Variants in ANKRD31 observed in about 807,000 individuals in gnomAD.
ANKRD31 encodes ankyrin repeat domain 31, also known as ankyrin repeat domain-containing protein 31.
ANKRD31 carries 147 observed loss-of-function variants against 186.0 expected under a neutral mutation model. That is an observed-to-expected ratio of 0.79 (90% CI 0.69 to 0.91). ANKRD31 has a LOEUF of 0.91. Ranked by LOEUF, ANKRD31 falls within the 40% of genes least tolerant of loss-of-function variation. ANKRD31 has a pLI of 0.00. For synonymous variants in ANKRD31, 673 were observed against 736.4 expected (o/e 0.91, Z 1.39); for missense variants, 1,986 against 2,148.8 (o/e 0.92, Z 1.50).
rs191326734 is a variant in ANKRD31, at chr5:75,146,831, G to C, written c.2580C>G (p.Leu860=). The part of the protein sequence containing the change: ...VVTTDKQPHT[L]QEQHHVLYKS... ...TATAAAGTACATGGTGTTGTTCCTG[G>C]AGAGTGTGAGGCTGCTTATCTGTAG... The change falls in exon 14 of 26, where the codon CTC becomes CTG. Residue 860 remains leucine, a synonymous_variant. Coordinates refer to ENST00000506364, the MANE Select transcript of ANKRD31 (RefSeq NM_001372053.1). 22 of 1,536,290 alleles carry C rather than the reference G, an allele frequency of 1.4e-5. No individual in the cohort carries two copies. In the African/African-American group the frequency reaches 2.5e-4, roughly 17 times the overall value.
rs773002008 is a variant in ANKRD31, at chr5:75,188,619, G to A, written c.1438C>T (p.His480Tyr). The A allele has an allele frequency of 3.9e-6, 6 of 1,533,654 alleles. No homozygotes were observed. In the South Asian group the frequency reaches 7.2e-5, roughly 18 times the overall value. The change falls in exon 10 of 26, where the codon CAT becomes TAT. Residue 480 changes from histidine to tyrosine, a missense_variant. Physicochemically the swap from His to Tyr is moderately conservative, Grantham distance 83. Coordinates refer to ENST00000506364, the MANE Select transcript of ANKRD31 (RefSeq NM_001372053.1). The part of the protein sequence containing the change: ...EKMKVNKISL[H>Y]SINRRNIFGE... ...AAAATGTTTCTCCGGTTAATGCTAT[G>A]AAGAGATATTTTGTTCACCTTCATT... is the stretch of plus-strand genomic sequence containing the variant.
At chr5:75,084,398 T>C in intron 23 of ANKRD31, 24 bp from the exon 24 acceptor site, 22 of 1,439,032 alleles carry the variant, frequency 1.5e-5, no homozygotes, top group Non-Finnish European at 2.1e-5. Context: ...AGCACAAAAT[T>C]TATAAATCAT....
At chr5:75,088,288 G>A (rs1745653206) in intron 23 of ANKRD31, among the ~76,000 whole-genome samples, 2 of 152,182 alleles carry the variant, frequency 1.3e-5, no homozygotes, top group South Asian at 4.1e-4. Context: ...AAATCCAAAG[G>A]AATGGAAAGG....
At chr5:75,222,613 C>A (rs1211667702) in intron 2 of ANKRD31, among the ~76,000 whole-genome samples, 1 of 152,090 alleles carries the variant, frequency 6.6e-6, no homozygotes, top group Admixed American at 6.6e-5. Context: ...CCCCCCAACC[C>A]CCAACAGGCC....
In ANKRD31 at chr5:75,220,499, G is replaced by A. The variant is rs532370177; in HGVS notation, c.288+1750C>T. On this transcript the variant is annotated intron_variant, in intron 3 of 25. Coordinates refer to ENST00000506364, the MANE Select transcript of ANKRD31 (RefSeq NM_001372053.1). Reference sequence around the variant, plus strand: ...TACTAAAAATACAAAAAAATTAGCCGAGCATGATGGTGCATGCCTGTAATT... The same window carrying A: ...TACTAAAAATACAAAAAAATTAGCCAAGCATGATGGTGCATGCCTGTAATT... Among the ~76,000 whole-genome samples, 14 of 152,036 alleles carry A rather than the reference G, an allele frequency of 9.2e-5. No homozygotes were observed. The South Asian group carries it at 1.0e-3, about 11-fold the overall frequency.
chr5:75,199,994 ACTAT>A (rs1580542044), intron 5 of ANKRD31, among the ~76,000 whole-genome samples: 1 of 152,198 alleles, frequency 6.6e-6, no homozygotes, highest in African/African-American at 2.4e-5. Context: ...TAGGAAAAAG[ACTAT>A]CTACTTTCTC....
rs79145459 is a variant in ANKRD31 at position 75,128,568 on chromosome 5, G to C, written c.3876+9288C>G. 2.4e-3 allele frequency among the ~76,000 whole-genome samples: 357 copies of C among 151,332 alleles called. 8 individuals carry two copies. The East Asian group carries it at 0.061, about 26-fold the overall frequency. On this transcript the variant is annotated intron_variant, in intron 17 of 25. Coordinates refer to ENST00000506364, the MANE Select transcript of ANKRD31 (RefSeq NM_001372053.1). ...TGCCCAGGCTGGAGTGCAGTGGTAC[G>C]ATCTTGGCTCACTGCAAGCTCCGCC...
chr5:75,228,826 A>G lies in ANKRD31; in HGVS notation c.178+1736T>C, dbSNP rs566281304. 2.2e-4 allele frequency among the ~76,000 whole-genome samples: 33 copies of G among 152,354 alleles called. No individual in the cohort carries two copies. In the South Asian group the frequency reaches 6.8e-3, roughly 32 times the overall value. ...AGACCTCTAACTCCTTTCTAGTGGT[A>G]CTTTATATATCATAAGAAGGCATCC... is the stretch of plus-strand genomic sequence containing the variant. On this transcript the variant is annotated intron_variant, in intron 2 of 25. Transcript: ENST00000506364.
At position 75,230,641 on chromosome 5, in the gene ANKRD31, A is replaced by G; in HGVS notation, c.105-6T>C. The G allele has an allele frequency of 1.3e-6, 2 of 1,514,278 alleles. No individual in the cohort carries two copies. The highest frequency in any genetic ancestry group is 2.4e-5 in the South Asian group (2 of 82,940). 93.8% of individuals were successfully genotyped at this position (1,514,278 alleles called of 1,614,324 possible). The stretch of plus-strand genomic sequence containing the variant: ...CGTCTTGATCAAACAGCAACCTTTC[A>G]AATACCAAAAGGGAAGGCACAAGTT... On this transcript the variant is annotated splice_region_variant and splice_polypyrimidine_tract_variant and intron_variant, in intron 1 of 25. Coordinates refer to ENST00000506364, the MANE Select transcript of ANKRD31 (RefSeq NM_001372053.1).
intron 3 of ANKRD31, 51 bp downstream of exon 3, chr5:75,222,198 A>G (rs1757342791): frequency 1.5e-6 from 2 of 1,338,796 alleles, no homozygotes; most frequent in Admixed American, 2.4e-5. Flanking sequence ...ACTCTGAGCG[A>G]TAGCATTTCC....
chr5:75,136,729 G>T (rs1209830520), intron 17 of ANKRD31, among the ~76,000 whole-genome samples: 1 of 152,140 alleles, frequency 6.6e-6, no homozygotes, highest in Non-Finnish European at 1.5e-5. Context: ...GTTTATTGTG[G>T]CACTATTCAC....
At chr5:75,165,190 T>C (rs1268528085) in intron 11 of ANKRD31, among the ~76,000 whole-genome samples, 1 of 151,924 alleles carries the variant, frequency 6.6e-6, no homozygotes, top group Non-Finnish European at 1.5e-5. Context: ...TACTCCAAAA[T>C]CCAAAAAAAA....
At chr5:75,105,275 C>G (rs753850192) in intron 21 of ANKRD31, 57 bp from the exon 22 acceptor site, 1 of 1,406,022 alleles carries the variant, frequency 7.1e-7, no homozygotes, top group Non-Finnish European at 9.2e-7. Context: ...CTTTTCAAAG[C>G]GGTCACTTAG....
intron 7 of ANKRD31, among the ~76,000 whole-genome samples, 162 bp downstream of exon 7, chr5:75,195,469 G>A (rs1755398238): frequency 6.6e-6 from 1 of 151,924 alleles, no homozygotes; most frequent in Non-Finnish European, 1.5e-5. Flanking sequence ...TATTTGGGTA[G>A]ATTTGATTTT....
intron 17 of ANKRD31, among the ~76,000 whole-genome samples, chr5:75,132,403 G>C (rs971076103): frequency 2.0e-5 from 3 of 152,194 alleles, no homozygotes; most frequent in Non-Finnish European, 2.9e-5. Context: ...CGATCAACTG[G>C]AAAAAGGGTA....
At chr5:75,079,772 G>A (rs558470375) in intron 25 of ANKRD31, among the ~76,000 whole-genome samples, 10 of 152,254 alleles carry the variant, frequency 6.6e-5, no homozygotes, top group East Asian at 3.9e-4. Context: ...AACTGCGCCC[G>A]GCCAAGGCCA....
intron 7 of ANKRD31, among the ~76,000 whole-genome samples, 164 bp downstream of exon 7, chr5:75,195,467 T>G (rs1206773602): frequency 1.3e-5 from 2 of 152,126 alleles, no homozygotes; most frequent in Non-Finnish European, 2.9e-5. Context: ...GATATTTGGG[T>G]AGATTTGATT....
chr5:75,137,955 A>T lies in ANKRD31; in HGVS notation c.3777T>A (p.Asp1259Glu). The T allele has an allele frequency of 1.3e-6, 2 of 1,529,304 alleles. No individual in the cohort carries two copies. The highest frequency in any genetic ancestry group is 1.7e-6 in the Non-Finnish European group (2 of 1,143,876). The allele number at this position is 1,529,304 out of a possible 1,614,324, so 94.7% of individuals were successfully genotyped here. A position where few individuals can be genotyped will look rare whatever the true frequency, so the allele number is the denominator to read the frequency against. ...LHEASNEGSI[D>E]IIVELLKAGA... ...CAGCTTTTAATAACTCTACAATTAT[A>T]TCAATAGATCCTTCATTAGATGCCT... is the stretch of plus-strand genomic sequence containing the variant. Residue 1259 changes from aspartate to glutamate, a missense_variant, in exon 17 of 26, where the codon GAT becomes GAA. Asp to Glu is a conservative substitution (Grantham distance 45). Coordinates refer to ENST00000506364, the MANE Select transcript of ANKRD31 (RefSeq NM_001372053.1).
chr5:75,118,348 T>TTA, intron 17 of ANKRD31, 51 bp from the exon 18 acceptor site: 2 of 1,323,196 alleles, frequency 1.5e-6, no homozygotes, highest in Non-Finnish European at 1.9e-6. Context: ...AGATGAATAA[T>TTA]TTCTGTTTTC....
Sources: gnomAD v4.1 joint callset for allele counts (sites outside exome capture counted in the v4.1 genomes callset) on GRCh38, gnomAD v4.1.1 for gene constraint, MANE v1.5 for transcripts, NCBI Gene and HGNC (gene_info 2026-07-23, HGNC 2026-07-21) for gene names.